The following PIBF1 variants were observed in gnomAD, a reference collection of about 807,000 sequenced individuals.
PIBF1 encodes progesterone-induced-blocking factor 1.
In PIBF1, 90 loss-of-function variants were observed where a neutral mutation model predicts 112.5. That is an observed-to-expected ratio of 0.80 (90% CI 0.67 to 0.95). The LOEUF is 0.95. Ranked by LOEUF, PIBF1 falls within the 40% of genes least tolerant of loss-of-function variation. The pLI is 0.00. For synonymous variants in PIBF1, 301 were observed against 288.6 expected (o/e 1.04, Z -0.44); for missense variants, 915 against 852.3 (o/e 1.07, Z -0.92).
At chr13:72,937,356 T>G (rs748210611) in intron 14 of PIBF1, among the ~76,000 whole-genome samples, 2 of 152,212 alleles carry the variant, frequency 1.3e-5, no homozygotes, top group Non-Finnish European at 2.9e-5. Flanking sequence ...TATATGTATC[T>G]TTAACTTATC....
At chr13:72,976,977 C>A (rs999983359) in intron 16 of PIBF1, among the ~76,000 whole-genome samples, 2 of 152,032 alleles carry the variant, frequency 1.3e-5, no homozygotes, top group Non-Finnish European at 2.9e-5. Flanking sequence ...CATGGACGGC[C>A]CCTGGGAGCC....
chr13:72,993,139 G>C (rs980631093), intron 16 of PIBF1, among the ~76,000 whole-genome samples: 4 of 152,040 alleles, frequency 2.6e-5, no homozygotes, highest in Non-Finnish European at 5.9e-5. Flanking sequence ...GGGCAACATG[G>C]CGAAACCCCA....
intron 10 of PIBF1, among the ~76,000 whole-genome samples, chr13:72,874,792 G>C (rs2039323751): frequency 6.6e-6 from 1 of 152,084 alleles, no homozygotes; most frequent in Non-Finnish European, 1.5e-5. Context: ...GCAGTTTTGG[G>C]TTCACTGCAA....
At chr13:72,846,613 G>A (rs575948263) in intron 9 of PIBF1, among the ~76,000 whole-genome samples, 2 of 152,194 alleles carry the variant, frequency 1.3e-5, no homozygotes, top group Admixed American at 1.3e-4. Context: ...CTGGTCACTC[G>A]CATAGTTATG....
intron 11 of PIBF1, among the ~76,000 whole-genome samples, chr13:72,899,040 T>G (rs2040387886): frequency 6.6e-6 from 1 of 151,828 alleles, no homozygotes; most frequent in Admixed American, 6.6e-5. Flanking sequence ...ATGGATAAAT[T>G]CCTTGAAAAA....
intron 6 of PIBF1, among the ~76,000 whole-genome samples, chr13:72,825,129 G>A (rs184800565): frequency 6.6e-6 from 1 of 152,090 alleles, no homozygotes; most frequent in Admixed American, 6.6e-5. Flanking sequence ...ATTATAATAT[G>A]ATGATAATAG....
At chr13:72,968,067 C>T (rs796552696) in intron 15 of PIBF1, among the ~76,000 whole-genome samples, 1 of 151,462 alleles carries the variant, frequency 6.6e-6, no homozygotes, top group African/African-American at 2.4e-5. Flanking sequence ...GCCTGTAGTC[C>T]CAGCTACTCG....
chr13:72,866,163 A>C (rs1311608500), intron 10 of PIBF1, among the ~76,000 whole-genome samples: 1 of 152,086 alleles, frequency 6.6e-6, no homozygotes, highest in Non-Finnish European at 1.5e-5. Context: ...TTATATGGAT[A>C]TATCTGATTG....
intron 9 of PIBF1, among the ~76,000 whole-genome samples, chr13:72,851,701 G>C (rs1428424917): frequency 6.6e-6 from 1 of 152,234 alleles, no homozygotes; most frequent in Non-Finnish European, 1.5e-5. Flanking sequence ...ACAGAACGGA[G>C]TGAGAACTTA....
intron 13 of PIBF1, among the ~76,000 whole-genome samples, chr13:72,918,685 TGCCCAGTCTA>T (rs1233125691): frequency 6.9e-6 from 1 of 145,780 alleles, no homozygotes; most frequent in Non-Finnish European, 1.5e-5. Flanking sequence ...AGATCCACCA[TGCCCAGTCTA>T]GCAACTACAT....
chr13:72,913,597 G>A (rs538048274), intron 12 of PIBF1, among the ~76,000 whole-genome samples: 1 of 152,102 alleles, frequency 6.6e-6, no homozygotes, highest in African/African-American at 2.4e-5. Context: ...GGGCAACCTG[G>A]CAAGACCATC....
intron 5 of PIBF1, among the ~76,000 whole-genome samples, chr13:72,811,152 A>G (rs943511807): frequency 1.3e-5 from 2 of 152,074 alleles, no homozygotes; most frequent in African/African-American, 4.8e-5. Flanking sequence ...GAGCCACCGC[A>G]CCCAGCCAGA....
At chr13:72,988,454 T>A (rs903738729) in intron 16 of PIBF1, among the ~76,000 whole-genome samples, 48 of 152,284 alleles carry the variant, frequency 3.2e-4, no homozygotes, top group African/African-American at 1.1e-3. Context: ...CAGTTTGCAG[T>A]TGCAGATATT....
At chr13:72,891,284 T>G (rs2138555417) in intron 10 of PIBF1, among the ~76,000 whole-genome samples, 1 of 152,234 alleles carries the variant, frequency 6.6e-6, no homozygotes, top group South Asian at 2.1e-4. Context: ...AGTTTAATCT[T>G]TTAGGATAAA....
intron 6 of PIBF1, among the ~76,000 whole-genome samples, chr13:72,822,568 A>G (rs941492483): frequency 6.6e-6 from 1 of 152,312 alleles, no homozygotes; most frequent in Non-Finnish European, 1.5e-5. Flanking sequence ...CACTATATAA[A>G]CTAAGATCAA....
At chr13:73,003,732 C>G (rs1382932472) in intron 17 of PIBF1, among the ~76,000 whole-genome samples, 2 of 152,040 alleles carry the variant, frequency 1.3e-5, no homozygotes, top group African/African-American at 4.8e-5. Flanking sequence ...ATTTTTGAGA[C>G]ACGGTCTTGC....
intron 11 of PIBF1, among the ~76,000 whole-genome samples, chr13:72,904,182 TGAAG>T (rs1486811783): frequency 6.6e-6 from 1 of 151,892 alleles, no homozygotes; most frequent in Admixed American, 6.6e-5. Context: ...TTTCTGCATA[TGAAG>T]GTTTATTTTA....
chr13:72,939,014 T>A (rs534657982), intron 14 of PIBF1, among the ~76,000 whole-genome samples: 2 of 152,170 alleles, frequency 1.3e-5, no homozygotes, highest in East Asian at 1.9e-4. Flanking sequence ...TTGAATTGGG[T>A]TGTCTTTCTG....
At chr13:72,833,734 C>CACTTGAGGAGGACTT (rs2037226518) in intron 8 of PIBF1, among the ~76,000 whole-genome samples, 2 of 152,100 alleles carry the variant, frequency 1.3e-5, no homozygotes, top group African/African-American at 4.8e-5. Context: ...GGTCAGGGAC[C>CACTTGAGGAGGACTT]CACTTGAGGA....
Sources: gnomAD v4.1 joint callset for allele counts (sites outside exome capture counted in the v4.1 genomes callset) on GRCh38, gnomAD v4.1.1 for gene constraint, MANE v1.5 for transcripts, NCBI Gene and HGNC (gene_info 2026-07-23, HGNC 2026-07-21) for gene names.